The following FAF1 variants were observed in gnomAD, a reference collection of about 807,000 sequenced individuals.
The protein encoded by FAF1 is FAS-associated factor 1.
Under a neutral mutation model 92.5 loss-of-function variants are expected in FAF1, and 25 were observed. The ratio of observed to expected loss-of-function variants is 0.27; its 90% CI spans 0.20 to 0.38. FAF1 has a LOEUF of 0.38. Among genes scored for constraint, FAF1 ranks in the 10% least tolerant of loss-of-function variants. The probability of loss-of-function intolerance (pLI) is 1.00; values close to 1 mark genes in which losing one functional copy is unlikely to be tolerated. For missense variants in FAF1, 636 were observed against 793.3 expected, an observed-to-expected ratio of 0.80 and a Z score of 2.38; for synonymous variants, 234 against 273.2, an observed-to-expected ratio of 0.86 and a Z score of 1.42.
At chr1:50,907,535 T>C (rs1326015872) in intron 1 of FAF1, among the ~76,000 whole-genome samples, 2 of 152,216 alleles carry the variant, frequency 1.3e-5, no homozygotes, top group Admixed American at 1.3e-4. Context: ...GGTAGGCTAT[T>C]AATTATTGCC....
chr1:50,718,034 TATTG>T (rs1553131718), intron 6 of FAF1, among the ~76,000 whole-genome samples: 1 of 125,486 alleles, frequency 8.0e-6, no homozygotes, highest in Admixed American at 8.5e-5. Context: ...TTTATTTATT[TATTG>T]AGACGGAGTC....
At chr1:50,617,012 T>C (rs2124159359) in intron 8 of FAF1, among the ~76,000 whole-genome samples, 1 of 152,308 alleles carries the variant, frequency 6.6e-6, no homozygotes, top group African/African-American at 2.4e-5. Flanking sequence ...GAAACCTTGC[T>C]AAATTGTCTA....
At chr1:50,573,172 C>T (rs1027235651) in intron 12 of FAF1, among the ~76,000 whole-genome samples, 42 of 151,560 alleles carry the variant, frequency 2.8e-4, no homozygotes, top group Non-Finnish European at 4.9e-4. Context: ...CATCTCAGCT[C>T]ACTGCAAACT....
intron 13 of FAF1, among the ~76,000 whole-genome samples, chr1:50,548,838 A>G (rs1272600191): frequency 6.6e-6 from 1 of 152,266 alleles, no homozygotes; most frequent in Non-Finnish European, 1.5e-5. Flanking sequence ...AACAAAGACT[A>G]TGGAGTCGAA....
intron 6 of FAF1, 48 bp from the exon 7 acceptor site, chr1:50,705,939 T>A: frequency 8.5e-7 from 1 of 1,181,468 alleles, no homozygotes; most frequent in Non-Finnish European, 1.3e-6. Flanking sequence ...GAACAAGTTC[T>A]AGCTTGCTTT....
At chr1:50,891,306 A>G (rs1328799238) in intron 1 of FAF1, among the ~76,000 whole-genome samples, 1 of 151,850 alleles carries the variant, frequency 6.6e-6, no homozygotes, top group African/African-American at 2.4e-5. Flanking sequence ...GGGTTCGAAC[A>G]TCTTCCTTTA....
At chr1:50,837,747 CT>C (rs112915276) in intron 2 of FAF1, among the ~76,000 whole-genome samples, 366 of 141,396 alleles carry the variant, frequency 2.6e-3, no homozygotes, top group Non-Finnish European at 3.3e-3. Flanking sequence ...GGGGAAGCTC[CT>C]TTTTTTTTTT....
intron 1 of FAF1, among the ~76,000 whole-genome samples, chr1:50,882,600 T>A (rs997169922): frequency 4.3e-5 from 6 of 140,472 alleles, no homozygotes; most frequent in East Asian, 2.1e-4. Flanking sequence ...AGACTCTGTC[T>A]TAAATAAATA....
chr1:50,724,820 A>G (rs1431876904), intron 6 of FAF1, among the ~76,000 whole-genome samples: 1 of 151,914 alleles, frequency 6.6e-6, no homozygotes, highest in African/African-American at 2.4e-5. Context: ...GTTCTCTACC[A>G]TTTTTTTTAC....
intron 1 of FAF1, among the ~76,000 whole-genome samples, chr1:50,944,817 G>A (rs1040596998): frequency 7.2e-5 from 11 of 152,168 alleles, no homozygotes; most frequent in African/African-American, 2.4e-4. Context: ...TTGTTACTAG[G>A]GGGTAAAAAG....
chr1:50,702,285 G>A (rs1383278011), intron 7 of FAF1, among the ~76,000 whole-genome samples: 1 of 151,950 alleles, frequency 6.6e-6, no homozygotes, highest in Non-Finnish European at 1.5e-5. Flanking sequence ...AATAGTATTA[G>A]TGAGAATTAC....
intron 7 of FAF1, among the ~76,000 whole-genome samples, chr1:50,700,950 CAAT>C (rs1207503269): frequency 6.6e-6 from 1 of 151,998 alleles, no homozygotes; most frequent in Admixed American, 6.6e-5. Flanking sequence ...CAGGAAACCT[CAAT>C]ATTTATAAAA....
intron 18 of FAF1, among the ~76,000 whole-genome samples, chr1:50,446,305 T>A (rs952513812): frequency 6.6e-6 from 1 of 152,228 alleles, no homozygotes; most frequent in African/African-American, 2.4e-5. Flanking sequence ...CTCTCACTTT[T>A]TAGTACCTGA....
chr1:50,854,619 T>C (rs998064941), intron 2 of FAF1, among the ~76,000 whole-genome samples: 8 of 151,942 alleles, frequency 5.3e-5, no homozygotes, highest in Admixed American at 2.0e-4. Context: ...TGTAGAGTAC[T>C]TAAAACATAG....
At chr1:50,838,217 G>A (rs1295595245) in intron 2 of FAF1, among the ~76,000 whole-genome samples, 1 of 151,982 alleles carries the variant, frequency 6.6e-6, no homozygotes, top group East Asian at 1.9e-4. Context: ...ACCATCAGAT[G>A]GTGGATGTTT....
At chr1:50,487,625 A>G (rs1361746829) in intron 17 of FAF1, among the ~76,000 whole-genome samples, 1 of 152,172 alleles carries the variant, frequency 6.6e-6, no homozygotes, top group Admixed American at 6.5e-5. Context: ...ACTTTTCTAG[A>G]TGTTTGATTT....
rs1188955216 is a variant in FAF1 at position 50,892,943 on chromosome 1, A to C, written c.46-34946T>G. ...TAAGCAGGTTGTCTTCACACTCACTAATACTTTCTGTCTGATCAATTCTGC... is the reference window on the plus strand; with the variant it reads ...TAAGCAGGTTGTCTTCACACTCACTCATACTTTCTGTCTGATCAATTCTGC... On this transcript the variant is annotated intron_variant, in intron 1 of 18. Transcript: ENST00000396153. Among the ~76,000 whole-genome samples, 5 of 152,070 alleles carry C rather than the reference A, an allele frequency of 3.3e-5. No homozygotes were observed. In the South Asian group the frequency reaches 1.0e-3, roughly 32 times the overall value.
chr1:50,800,173 T>C (rs544374924), intron 3 of FAF1, among the ~76,000 whole-genome samples: 67 of 152,294 alleles, frequency 4.4e-4, no homozygotes, highest in African/African-American at 1.5e-3. Context: ...AAATAAAAAG[T>C]ATAATCTGTG....
chr1:50,823,244 T>C (rs1248522980), intron 2 of FAF1, among the ~76,000 whole-genome samples: 4 of 152,194 alleles, frequency 2.6e-5, no homozygotes, highest in Non-Finnish European at 5.9e-5. Context: ...TATAGCTGCC[T>C]ACATTTTGAG....
Sources: allele counts gnomAD v4.1 joint callset (sites outside exome capture counted in the v4.1 genomes callset), GRCh38; gene constraint gnomAD v4.1.1; transcripts MANE v1.5; gene names NCBI Gene and HGNC (gene_info 2026-07-23, HGNC 2026-07-21).